Variants in PAQR5 observed in about 807,000 individuals in gnomAD.
PAQR5 encodes the protein membrane progestin receptor gamma.
A neutral mutation model predicts 34.5 loss-of-function variants in PAQR5; 20 were observed. The ratio of observed to expected loss-of-function variants is 0.58; its 90% CI spans 0.41 to 0.84. PAQR5 has a LOEUF of 0.84. PAQR5 is among the 40% of genes least tolerant of loss of function. The probability of loss-of-function intolerance (pLI) is 0.00; values close to 1 mark genes in which losing one functional copy is unlikely to be tolerated. For missense variants in PAQR5, 378 were observed against 412.7 expected, an observed-to-expected ratio of 0.92 and a Z score of 0.73; for synonymous variants, 131 against 155.6, an observed-to-expected ratio of 0.84 and a Z score of 1.18.
chr15:69,385,102 G>A lies in PAQR5; in HGVS notation c.385+220G>A, dbSNP rs945335047. ...CTGGCTCTGTGGGGACAACAGCCCC[G>A]ATCTGCAGTGTTGCCAGTTTCTGTG... is the stretch of plus-strand genomic sequence containing the variant. On this transcript the variant is annotated intron_variant, in intron 5 of 8. Coordinates refer to ENST00000395407, the MANE Select transcript of PAQR5 (RefSeq NM_017705.4). The surrounding 1 kb of genome is among the most constrained non-coding windows in gnomAD (Gnocchi z 4.7). Among the ~76,000 whole-genome samples the A allele has an allele frequency of 3.3e-5, 5 of 152,188 alleles. No homozygotes were observed. Among genetic ancestry groups the A allele is most frequent in the South Asian group, 4.1e-4 (2 of 4,830 alleles).
chr15:69,307,804 G>A (rs1595830328), intron 1 of PAQR5, among the ~76,000 whole-genome samples: 1 of 152,220 alleles, frequency 6.6e-6, no homozygotes, highest in Non-Finnish European at 1.5e-5. Context: ...GCTGTCGGTG[G>A]GGTGGTAGAG....
intron 1 of PAQR5, among the ~76,000 whole-genome samples, chr15:69,337,010 T>C (rs1478664789): frequency 6.6e-6 from 1 of 152,208 alleles, no homozygotes; most frequent in Non-Finnish European, 1.5e-5. Context: ...TATAATCAGA[T>C]ACAAGACTCT....
At chr15:69,374,030 A>G (rs1481028555) in intron 3 of PAQR5, among the ~76,000 whole-genome samples, 1 of 151,902 alleles carries the variant, frequency 6.6e-6, no homozygotes, top group East Asian at 1.9e-4. Context: ...TCCGTCTTAC[A>G]TGTTCAGCCA....
chr15:69,340,337 A>C (rs1442343679), intron 2 of PAQR5, among the ~76,000 whole-genome samples: 1 of 152,084 alleles, frequency 6.6e-6, no homozygotes, highest in Non-Finnish European at 1.5e-5. Context: ...CAATACACTG[A>C]TATTTTCTGT....
At chr15:69,358,633 A>ATTTTTTTTTTTTTTTTTTTTTT (rs71149910) in intron 2 of PAQR5, among the ~76,000 whole-genome samples, 1 of 84,466 alleles carries the variant, frequency 1.2e-5, no homozygotes, top group African/African-American at 4.8e-5. Context: ...GCTCTGTGGC[A>ATTTTTTTTTTTTTTTTTTTTTT]TTTTTTTTTT....
At chr15:69,316,299 T>G (rs1426192637) in intron 1 of PAQR5, among the ~76,000 whole-genome samples, 1 of 152,160 alleles carries the variant, frequency 6.6e-6, no homozygotes, top group Non-Finnish European at 1.5e-5. Context: ...TAGGCTGATC[T>G]GGAGCTCCTG....
rs191536526 is a variant in PAQR5 at position 69,351,523 on chromosome 15, C to T, written c.-115-8443C>T. 2.6e-5 allele frequency among the ~76,000 whole-genome samples: 4 copies of T among 152,370 alleles called. No homozygotes were observed. In the East Asian group the frequency reaches 7.7e-4, roughly 29 times the overall value. On this transcript the variant is annotated intron_variant, in intron 2 of 8. Transcript: ENST00000395407. ...TATAAAGCCCACCAGAAGCAACTTG[C>T]TCTCAGCTGGCAAGGCCAACAATAC...
At chr15:69,400,235 CGAG>C (rs1437429556) in intron 8 of PAQR5, 120 bp downstream of exon 8, 19 of 980,498 alleles carry the variant, frequency 1.9e-5, no homozygotes, top group Non-Finnish European at 2.7e-5. Context: ...GAGGCCAAGG[CGAG>C]TAACATTGCA....
chr15:69,312,398 A>T (rs2053852642), intron 1 of PAQR5, among the ~76,000 whole-genome samples: 1 of 151,950 alleles, frequency 6.6e-6, no homozygotes, highest in African/African-American at 2.4e-5. Context: ...GTCCAACTTG[A>T]CTGTTGCTAT....
chr15:69,383,386 A>AG (rs1454644294), intron 4 of PAQR5, among the ~76,000 whole-genome samples: 11 of 65,586 alleles, frequency 1.7e-4, no homozygotes, highest in South Asian at 5.5e-4. Flanking sequence ...GTGGAGGGTG[A>AG]CTGGCCCTCT....
intron 3 of PAQR5, among the ~76,000 whole-genome samples, chr15:69,375,046 C>T (rs1234994033): frequency 6.6e-6 from 1 of 152,182 alleles, no homozygotes; most frequent in Non-Finnish European, 1.5e-5. Context: ...GTTTCAGAGG[C>T]ACTGGCTTGC....
intron 1 of PAQR5, among the ~76,000 whole-genome samples, chr15:69,334,263 C>T (rs1448153909): frequency 1.3e-5 from 2 of 152,134 alleles, no homozygotes; most frequent in Non-Finnish European, 2.9e-5. Flanking sequence ...CTCTTGACCT[C>T]GTGATCCACC....
At chr15:69,387,801 C>T (rs2140950641) in intron 5 of PAQR5, among the ~76,000 whole-genome samples, 1 of 152,274 alleles carries the variant, frequency 6.6e-6, no homozygotes, top group Non-Finnish European at 1.5e-5. Flanking sequence ...CTGTATCCTC[C>T]CATAGGCCAT....
chr15:69,361,259 G>A (rs1225849245), intron 3 of PAQR5, among the ~76,000 whole-genome samples: 1 of 152,218 alleles, frequency 6.6e-6, no homozygotes, highest in East Asian at 1.9e-4. Flanking sequence ...ATTTACTCAT[G>A]AAATTTGTAT....
intron 1 of PAQR5, among the ~76,000 whole-genome samples, chr15:69,321,016 C>T (rs932041005): frequency 1.3e-5 from 2 of 152,132 alleles, no homozygotes; most frequent in African/African-American, 4.8e-5. Context: ...TTATAAGGAG[C>T]CACAATTTTT....
intron 2 of PAQR5, among the ~76,000 whole-genome samples, chr15:69,354,221 GT>G (rs1354159589): frequency 2.6e-5 from 4 of 152,166 alleles, no homozygotes; most frequent in Non-Finnish European, 5.9e-5. Context: ...ATGCAGATGG[GT>G]AGTAGAAGAA....
At chr15:69,343,711 A>G (rs1042871943) in intron 2 of PAQR5, among the ~76,000 whole-genome samples, 1 of 152,160 alleles carries the variant, frequency 6.6e-6, no homozygotes, top group Non-Finnish European at 1.5e-5. Context: ...TAAAATTGGC[A>G]GCATTTGTGG....
intron 2 of PAQR5, among the ~76,000 whole-genome samples, chr15:69,338,054 G>A (rs1048815180): frequency 1.3e-5 from 2 of 152,102 alleles, no homozygotes; most frequent in Admixed American, 6.6e-5. Context: ...TCCAGCCTGG[G>A]TGACAGAGCA....
chr15:69,342,428 T>G (rs2054667114), intron 2 of PAQR5, among the ~76,000 whole-genome samples: 1 of 152,228 alleles, frequency 6.6e-6, no homozygotes, highest in East Asian at 1.9e-4. Flanking sequence ...CTTTATATAT[T>G]CTGGATATTA....
Sources: gnomAD v4.1 joint callset for allele counts (sites outside exome capture counted in the v4.1 genomes callset) on GRCh38, gnomAD v4.1.1 for gene constraint, Gnocchi (gnomAD v3.1) non-coding constraint, MANE v1.5 for transcripts, NCBI Gene and HGNC (gene_info 2026-07-23, HGNC 2026-07-21) for gene names.